Variants in PHACTR1 observed in about 807,000 individuals in gnomAD.
The protein encoded by PHACTR1 is phosphatase and actin regulator 1.
A neutral mutation model predicts 69.2 loss-of-function variants in PHACTR1; 16 were observed. That is an observed-to-expected ratio of 0.23 (90% CI 0.16 to 0.35). PHACTR1 has a LOEUF of 0.35. Ranked by LOEUF, PHACTR1 falls within the 10% of genes least tolerant of loss-of-function variation. The pLI, the probability that PHACTR1 is intolerant of heterozygous loss-of-function variation, is 1.00. For missense variants in PHACTR1, 510 were observed against 734.7 expected, an observed-to-expected ratio of 0.69 and a Z score of 3.54; for synonymous variants, 312 against 284.5, an observed-to-expected ratio of 1.10 and a Z score of -0.97.
At chr6:12,906,969 T>C (rs1490625932) in intron 4 of PHACTR1, among the ~76,000 whole-genome samples, 1 of 152,210 alleles carries the variant, frequency 6.6e-6, no homozygotes, top group Non-Finnish European at 1.5e-5. Context: ...GAGAAAGGAA[T>C]TGAGGCAGAT....
At chr6:13,011,737 C>A (rs549824264) in intron 4 of PHACTR1, among the ~76,000 whole-genome samples, 1 of 152,164 alleles carries the variant, frequency 6.6e-6, no homozygotes, top group Non-Finnish European at 1.5e-5. Flanking sequence ...TACACATTTA[C>A]GGAAACATGT....
intron 12 of PHACTR1, chr6:13,280,798 C>T: frequency 2.2e-6 from 1 of 461,978 alleles, no homozygotes; most frequent in Non-Finnish European, 3.7e-6. Context: ...GCGGGCCTGA[C>T]TTTGGCTGCA....
At chr6:13,159,858 T>G (rs1230896653) in intron 5 of PHACTR1, among the ~76,000 whole-genome samples, 2 of 152,116 alleles carry the variant, frequency 1.3e-5, no homozygotes, top group Non-Finnish European at 2.9e-5. Flanking sequence ...GAGAATCGCT[T>G]GAACCTGGGA....
chr6:12,932,634 T>A lies in PHACTR1; in HGVS notation c.251-120731T>A, dbSNP rs556745083. On this transcript the variant is annotated intron_variant, in intron 4 of 14. Coordinates refer to ENST00000332995, the MANE Select transcript of PHACTR1 (RefSeq NM_030948.6). ...TAAAGACACATTAAATCATTGTCTA[T>A]TCTTCTCTCTTAAGCTAAACAATTC... 4.9e-4 allele frequency among the ~76,000 whole-genome samples: 74 copies of A among 152,360 alleles called. 1 individual carries two copies. The South Asian group carries it at 5.8e-3, about 12-fold the overall frequency.
intron 5 of PHACTR1, among the ~76,000 whole-genome samples, chr6:13,097,225 C>A (rs1353108613): frequency 6.6e-6 from 1 of 152,156 alleles, no homozygotes; most frequent in African/African-American, 2.4e-5. Flanking sequence ...TTCAAATGGT[C>A]TACTGGTTTT....
chr6:13,160,128 T>G, intron 5 of PHACTR1, 76 bp from the exon 6 acceptor site: 2 of 1,255,004 alleles, frequency 1.6e-6, no homozygotes, highest in Non-Finnish European at 2.3e-6. Flanking sequence ...TTGCCATATG[T>G]GTTAACATAG....
At chr6:13,070,992 A>T (rs1000924245) in intron 5 of PHACTR1, among the ~76,000 whole-genome samples, 1 of 5,708 alleles carries the variant, frequency 1.8e-4, no homozygotes, top group Admixed American at 1.6e-3. Flanking sequence ...CTTAATAATT[A>T]AAAAAAAAAA....
rs145090248 is a variant in PHACTR1 at position 13,050,363 on chromosome 6, A to G, written c.251-3002A>G. On this transcript the variant is annotated intron_variant, in intron 4 of 14. Transcript: ENST00000332995. Reference sequence around the variant, plus strand: ...CTCCTTTAGCCTCCAGTAATCTGTTATTTTACCACTGCTGCGAAATTAATC... The same window carrying G: ...CTCCTTTAGCCTCCAGTAATCTGTTGTTTTACCACTGCTGCGAAATTAATC... Among the ~76,000 whole-genome samples, 125 of 152,092 alleles carry G rather than the reference A, an allele frequency of 8.2e-4. 1 individual carries two copies. Among genetic ancestry groups the G allele is most frequent in the African/African-American group, 2.8e-3 (118 of 41,470 alleles).
chr6:13,199,269 C>T (rs1764852992), intron 7 of PHACTR1, among the ~76,000 whole-genome samples: 1 of 150,788 alleles, frequency 6.6e-6, no homozygotes, highest in Non-Finnish European at 1.5e-5. Flanking sequence ...CACCTATAAT[C>T]CCAGCTACTT....
intron 4 of PHACTR1, among the ~76,000 whole-genome samples, chr6:12,788,796 G>A (rs1257628223): frequency 3.9e-5 from 6 of 152,136 alleles, no homozygotes; most frequent in South Asian, 2.1e-4. Context: ...GATAAGATAC[G>A]TAAGAGAACC....
intron 4 of PHACTR1, among the ~76,000 whole-genome samples, chr6:12,827,331 C>T (rs1410211480): frequency 2.0e-5 from 3 of 152,102 alleles, no homozygotes; most frequent in Non-Finnish European, 2.9e-5. Flanking sequence ...ATGATGAAAG[C>T]TCCATCCCTA....
At chr6:13,028,140 T>C (rs1801965232) in intron 4 of PHACTR1, among the ~76,000 whole-genome samples, 1 of 151,062 alleles carries the variant, frequency 6.6e-6, no homozygotes, top group Non-Finnish European at 1.5e-5. Flanking sequence ...GTCTTGTTTT[T>C]TGTTTGTTTG....
chr6:13,244,477 C>T (rs950288172), intron 10 of PHACTR1, among the ~76,000 whole-genome samples: 52 of 152,112 alleles, frequency 3.4e-4, no homozygotes, highest in African/African-American at 1.2e-3. Flanking sequence ...CTATGGGAGA[C>T]AAGTTTATTT....
chr6:13,030,503 G>T lies in PHACTR1; in HGVS notation c.251-22862G>T, dbSNP rs1397477911. On this transcript the variant is annotated intron_variant, in intron 4 of 14. Coordinates refer to ENST00000332995, the MANE Select transcript of PHACTR1 (RefSeq NM_030948.6). ...CTGATGGGGGAGATTTTAGCATTCA[G>T]TGTACATAAACGGTTTAGTTTTTCA... 2.0e-5 allele frequency among the ~76,000 whole-genome samples: 3 copies of T among 152,190 alleles called. No homozygotes were observed. The East Asian group carries it at 5.8e-4, about 29-fold the overall frequency.
chr6:13,154,311 C>T (rs1561910188), intron 5 of PHACTR1, among the ~76,000 whole-genome samples: 1 of 151,966 alleles, frequency 6.6e-6, no homozygotes, highest in Non-Finnish European at 1.5e-5. Flanking sequence ...GATTACAGGC[C>T]ACCACGCCTG....
chr6:13,273,067 C>T (rs564447896), intron 11 of PHACTR1, 152 bp downstream of exon 11: 1 of 1,124,622 alleles, frequency 8.9e-7, no homozygotes, highest in Non-Finnish European at 1.3e-6. Context: ...TGTTAGAACA[C>T]CAAAGACGAC....
chr6:13,272,454 A>C (rs1777936789), intron 10 of PHACTR1: 1 of 271,582 alleles, frequency 3.7e-6, no homozygotes, highest in Non-Finnish European at 7.2e-6. Flanking sequence ...TCTGCACAGA[A>C]GAGGCAGGAG....
At chr6:12,797,624 T>G (rs1465475741) in intron 4 of PHACTR1, among the ~76,000 whole-genome samples, 5 of 152,122 alleles carry the variant, frequency 3.3e-5, no homozygotes, top group Non-Finnish European at 7.4e-5. Flanking sequence ...ACATGTAAGT[T>G]GCACCCTCCC....
intron 5 of PHACTR1, among the ~76,000 whole-genome samples, chr6:13,158,254 C>T (rs1287083608): frequency 1.3e-5 from 2 of 152,154 alleles, no homozygotes; most frequent in African/African-American, 4.8e-5. Flanking sequence ...CCTTCTCCAG[C>T]CCTTCCCCAA....
Sources: gnomAD v4.1 joint callset for allele counts (sites outside exome capture counted in the v4.1 genomes callset) on GRCh38, gnomAD v4.1.1 for gene constraint, MANE v1.5 for transcripts, NCBI Gene and HGNC (gene_info 2026-07-23, HGNC 2026-07-21) for gene names.